Variants in SLC39A9 observed in about 807,000 individuals in gnomAD.
SLC39A9 encodes zinc transporter ZIP9.
SLC39A9 carries 14 observed loss-of-function variants against 28.4 expected under a neutral mutation model. The observed-to-expected ratio is 0.49, with a 90% CI of 0.33 to 0.77. The LOEUF (loss-of-function observed/expected upper bound fraction) is 0.77. SLC39A9 is among the 30% of genes least tolerant of loss of function. The pLI, the probability that SLC39A9 is intolerant of heterozygous loss-of-function variation, is 0.02. For missense variants in SLC39A9, 283 were observed against 381.1 expected, an observed-to-expected ratio of 0.74 and a Z score of 2.14; for synonymous variants, 119 against 149.6, an observed-to-expected ratio of 0.80 and a Z score of 1.49.
chr14:69,399,100 G>A lies in SLC39A9; in HGVS notation c.-270G>A, dbSNP rs1003773469. On this transcript the variant is annotated 5_prime_UTR_variant, in exon 1 of 7. Transcript: ENST00000336643. ...ACTTTTCCCATCTCTGTTAACCCAC[G>A]AGAATCTAATGACTGGCATCTGAGA... The A allele has an allele frequency of 8.0e-5, 34 of 424,114 alleles. No homozygotes were observed. Among genetic ancestry groups the A allele is most frequent in the African/African-American group, 6.7e-4 (32 of 47,504 alleles). The allele number at this position is 424,114 out of a possible 1,614,324, so 26.3% of individuals were successfully genotyped here.
chr14:69,420,144 C>T (rs1883802439), intron 1 of SLC39A9, among the ~76,000 whole-genome samples: 1 of 152,070 alleles, frequency 6.6e-6, no homozygotes, highest in Admixed American at 6.5e-5. Context: ...ACTGGTTGTT[C>T]CTTTCCATGT....
chr14:69,454,730 G>A lies in SLC39A9; in HGVS notation c.473-82G>A, dbSNP rs928945263. 9 of 1,155,996 alleles carry A rather than the reference G, an allele frequency of 7.8e-6. No homozygotes were observed. The African/African-American group carries it at 9.1e-5, about 12-fold the overall frequency. The allele number at this position is 1,155,996 out of a possible 1,614,324, so 71.6% of individuals were successfully genotyped here. A position where few individuals can be genotyped will look rare whatever the true frequency, so the allele number is the denominator to read the frequency against. On this transcript the variant is annotated intron_variant, in intron 4 of 6. Transcript: ENST00000336643. ...TTACTAGATCCAGCTGGACCTGACT[G>A]TAAAGCTCATACACTCAACCACTAC...
At chr14:69,446,518 A>G (rs930736285) in intron 3 of SLC39A9, among the ~76,000 whole-genome samples, 1 of 152,010 alleles carries the variant, frequency 6.6e-6, no homozygotes, top group Non-Finnish European at 1.5e-5. Context: ...CACTGGCCAC[A>G]TGTGGGATAA....
intron 1 of SLC39A9, among the ~76,000 whole-genome samples, chr14:69,421,864 G>T (rs994310877): frequency 2.0e-5 from 3 of 152,152 alleles, no homozygotes; most frequent in African/African-American, 7.2e-5. Flanking sequence ...TTGGAAAAGC[G>T]CAGTATTTGG....
intron 4 of SLC39A9, among the ~76,000 whole-genome samples, chr14:69,454,469 T>C (rs1885764726): frequency 1.3e-5 from 2 of 152,206 alleles, no homozygotes; most frequent in African/African-American, 4.8e-5. Flanking sequence ...CTTTGGTATT[T>C]CCCTTGTTAG....
At chr14:69,453,668 G>A (rs566526918) in intron 4 of SLC39A9, among the ~76,000 whole-genome samples, 14 of 152,304 alleles carry the variant, frequency 9.2e-5, no homozygotes, top group African/African-American at 3.1e-4. Flanking sequence ...ATGAGAGTAG[G>A]GAACCTATTG....
rs560816953 is a variant in SLC39A9 at position 69,444,782 on chromosome 14, A to G, written c.403+2516A>G. 2.0e-4 allele frequency among the ~76,000 whole-genome samples: 31 copies of G among 152,304 alleles called. 1 individual carries two copies. In the South Asian group the frequency reaches 4.1e-3, roughly 20 times the overall value. ...TGAATGAACTATGGTATGTACACAT[A>G]ATGGAGTACTATGTAGCTGTAGAAA... On this transcript the variant is annotated intron_variant, in intron 3 of 6. Coordinates refer to ENST00000336643, the MANE Select transcript of SLC39A9 (RefSeq NM_018375.5).
intron 1 of SLC39A9, among the ~76,000 whole-genome samples, chr14:69,404,127 G>T (rs369611218): frequency 1.3e-5 from 2 of 152,194 alleles, no homozygotes; most frequent in South Asian, 4.1e-4. Context: ...TCCAAATGCT[G>T]ATGTGGGAGG....
rs981442731 is a variant in SLC39A9 at position 69,424,122 on chromosome 14, G to A, written c.125G>A (p.Gly42Asp). The A allele has an allele frequency of 6.2e-7, 1 of 1,613,738 alleles. No individual in the cohort carries two copies. Among genetic ancestry groups the A allele is most frequent in the Non-Finnish European group, 8.5e-7 (1 of 1,179,840 alleles). The change falls in exon 2 of 7, where the codon GGT becomes GAT. Residue 42 changes from glycine (G) to aspartate (D), a missense_variant. Coordinates refer to ENST00000336643, the MANE Select transcript of SLC39A9 (RefSeq NM_018375.5). ...EERLKLVTVL[G>D]AGLLCGTALA... Reference sequence around the variant, plus strand: ...CGACTGAAGCTGGTGACTGTTTTGGGTGCTGGCCTTCTCTGTGGAACTGCT... The same window carrying A: ...CGACTGAAGCTGGTGACTGTTTTGGATGCTGGCCTTCTCTGTGGAACTGCT...
At chr14:69,410,878 A>G (rs997888440) in intron 1 of SLC39A9, among the ~76,000 whole-genome samples, 6 of 151,454 alleles carry the variant, frequency 4.0e-5, no homozygotes, top group African/African-American at 1.2e-4. Flanking sequence ...TAAAATGGGC[A>G]TGGCACAAGG....
intron 6 of SLC39A9, among the ~76,000 whole-genome samples, chr14:69,456,625 C>T (rs559303484): frequency 1.3e-5 from 2 of 152,342 alleles, no homozygotes; most frequent in South Asian, 4.1e-4. Flanking sequence ...ATAATCCTGT[C>T]TGTAGCTCTG....
At position 69,459,173 on chromosome 14, in the gene SLC39A9, CTT is replaced by C. The variant is rs770743648; in HGVS notation, c.*582_*583del. ...GATAGCAAGACACATTGAAAGCTCTCTTTATACTCAAAAGAGATATCCATTGA... is the reference window on the plus strand; with the variant it reads ...GATAGCAAGACACATTGAAAGCTCTCTATACTCAAAAGAGATATCCATTGA... On this transcript the variant is annotated 3_prime_UTR_variant, in exon 7 of 7. Coordinates refer to ENST00000336643, the MANE Select transcript of SLC39A9 (RefSeq NM_018375.5). 23 of 985,664 alleles carry C rather than the reference CTT, an allele frequency of 2.3e-5. No individual in the cohort carries two copies. Among genetic ancestry groups the C allele is most frequent in the Non-Finnish European group, 2.8e-5 (23 of 830,112 alleles). The allele number at this position is 985,664 out of a possible 1,614,324, so 61.1% of individuals were successfully genotyped here.
intron 3 of SLC39A9, among the ~76,000 whole-genome samples, chr14:69,447,506 T>A (rs1885385867): frequency 6.6e-6 from 1 of 152,090 alleles, no homozygotes; most frequent in African/African-American, 2.4e-5. Flanking sequence ...TAAGGGAGAA[T>A]CCTAGAACGA....
In SLC39A9 at chr14:69,461,904, TAGTTGTTCTGC is replaced by T; in HGVS notation, c.*3314_*3324del. ...TGCAGTGTTAAGTGAAAATCCTCTG[TAGTTGTTCTGC>T]AGAGGAACCTTCCTTCCATTAGAAA... On this transcript the variant is annotated 3_prime_UTR_variant, in exon 7 of 7. Coordinates refer to ENST00000336643, the MANE Select transcript of SLC39A9 (RefSeq NM_018375.5). 1 of 656,304 alleles carries T rather than the reference TAGTTGTTCTGC, an allele frequency of 1.5e-6. No individual in the cohort carries two copies. Among genetic ancestry groups the T allele is most frequent in the African/African-American group, 1.8e-5 (1 of 55,446 alleles). The allele number at this position is 656,304 out of a possible 1,614,324, so 40.7% of individuals were successfully genotyped here. A position where few individuals can be genotyped will look rare whatever the true frequency, so the allele number is the denominator to read the frequency against.
intron 1 of SLC39A9, among the ~76,000 whole-genome samples, chr14:69,402,857 G>T (rs1219514804): frequency 1.3e-5 from 2 of 152,096 alleles, no homozygotes; most frequent in African/African-American, 4.8e-5. Context: ...TGAGGTGGGC[G>T]GATTACCTGA....
chr14:69,446,021 C>CGTT (rs34229171), intron 3 of SLC39A9, among the ~76,000 whole-genome samples: 4,010 of 151,046 alleles, frequency 0.027, 79 homozygotes, highest in Non-Finnish European at 0.035. Flanking sequence ...ATACTGAACT[C>CGTT]GTTGTTGTTG....
chr14:69,450,497 A>G (rs1885553539), intron 3 of SLC39A9, among the ~76,000 whole-genome samples: 1 of 152,096 alleles, frequency 6.6e-6, no homozygotes, highest in Non-Finnish European at 1.5e-5. Flanking sequence ...TTGTCAGGCC[A>G]GTCACAATGG....
chr14:69,422,264 A>G (rs1883941923), intron 1 of SLC39A9, among the ~76,000 whole-genome samples: 2 of 152,060 alleles, frequency 1.3e-5, no homozygotes, highest in Admixed American at 6.6e-5. Flanking sequence ...GGTTTTGTTT[A>G]TTTTCAAAAA....
intron 2 of SLC39A9, among the ~76,000 whole-genome samples, chr14:69,441,155 T>C (rs1885031162): frequency 6.6e-6 from 1 of 152,162 alleles, no homozygotes; most frequent in Admixed American, 6.5e-5. Flanking sequence ...GGTACTTGCC[T>C]GTGGTTTCCC....
Sources: gnomAD v4.1 joint callset for allele counts (sites outside exome capture counted in the v4.1 genomes callset) on GRCh38, gnomAD v4.1.1 for gene constraint, MANE v1.5 for transcripts, NCBI Gene and HGNC (gene_info 2026-07-23, HGNC 2026-07-21) for gene names.